SYNM: variants seen among roughly 807,000 people sequenced by gnomAD.
The protein encoded by SYNM is synemin, also known as desmuslin.
Under a neutral mutation model 104.0 loss-of-function variants are expected in SYNM, and 95 were observed. That is an observed-to-expected ratio of 0.91 (90% confidence interval 0.77 to 1.08). SYNM has a LOEUF of 1.08. SYNM is among the 50% of genes least tolerant of loss of function. The pLI is 0.00. For synonymous variants in SYNM, 918 were observed against 869.0 expected, an observed-to-expected ratio of 1.06 and a Z score of -0.99; for missense variants, 2,150 against 2,052.2, an observed-to-expected ratio of 1.05 and a Z score of -0.92.
chr15:99,122,388 C>T (rs529057370), intron 2 of SYNM, among the ~76,000 whole-genome samples: 15 of 152,230 alleles, frequency 9.9e-5, no homozygotes, highest in Non-Finnish European at 1.9e-4. Context: ...CAAAGGAAAA[C>T]GTTTCTTAGG....
Position 99,118,378 on chromosome 15 carries a change from A to G in SYNM, c.935+4663A>G, listed in dbSNP as rs569837102. ...CCCTTATTCTTTAACTAAAGTGCTCATTTGATCTCTGCAAACCTTGACCCA... is the reference window on the plus strand; with the variant it reads ...CCCTTATTCTTTAACTAAAGTGCTCGTTTGATCTCTGCAAACCTTGACCCA... On this transcript the variant is annotated intron_variant, in intron 2 of 3. Transcript: ENST00000336292. 1.1e-4 allele frequency among the ~76,000 whole-genome samples: 16 copies of G among 152,314 alleles called. No individual in the cohort carries two copies. In the South Asian group the frequency reaches 3.1e-3, roughly 30 times the overall value.
chr15:99,116,003 G>T (rs1555483899), intron 2 of SYNM, among the ~76,000 whole-genome samples: 1 of 152,264 alleles, frequency 6.6e-6, no homozygotes, highest in African/African-American at 2.4e-5. Context: ...GCTGCTAAGG[G>T]GTGAGGCCTT....
Position 99,129,693 on chromosome 15 carries a change from T to C in SYNM, c.1333T>C (p.Phe445Leu). ...LRNTEAQVKT[F>L]PDRPKAGDTR... Reference sequence around the variant, plus strand: ...AAATACTGAGGCTCAAGTGAAAACATTCCCTGACAGACCAAAAGCCGGAGA... The same window carrying C: ...AAATACTGAGGCTCAAGTGAAAACACTCCCTGACAGACCAAAAGCCGGAGA... The change falls in exon 4 of 4, where the codon TTC becomes CTC. Residue 445 changes from phenylalanine to leucine, a missense_variant. Phe to Leu is a conservative substitution (Grantham distance 22, BLOSUM62 0). Coordinates refer to ENST00000336292, the MANE Select transcript of SYNM (RefSeq NM_145728.3). 7 of 1,613,788 alleles carry C rather than the reference T, an allele frequency of 4.3e-6. No homozygotes were observed. The highest frequency in any genetic ancestry group is 5.9e-6 in the Non-Finnish European group (7 of 1,179,874).
At chr15:99,128,619 C>G (rs1477793122) in intron 3 of SYNM, among the ~76,000 whole-genome samples, 25 of 152,206 alleles carry the variant, frequency 1.6e-4, no homozygotes, top group Admixed American at 1.6e-3. Flanking sequence ...TGGCTGCGTT[C>G]TAACCACCAG....
Position 99,105,987 on chromosome 15 carries a change from G to C in SYNM, c.788G>C (p.Gly263Ala). The change falls in exon 1 of 4, where the codon GGG becomes GCG. Residue 263 changes from glycine (G) to alanine (A), a missense_variant. By Grantham distance (60) the Gly-to-Ala change is moderately conservative (BLOSUM62 0). Transcript: ENST00000336292. ...DALLRMREEY[G>A]IQAEERQRVI... is the part of the protein sequence containing the mutation. ...CTGCTGCGGATGCGCGAGGAGTACG[G>C]GATACAGGCCGAGGAGCGGCAGGTC... 2 of 1,491,394 alleles carry C rather than the reference G, an allele frequency of 1.3e-6. No individual in the cohort carries two copies. The highest frequency in any genetic ancestry group is 2.2e-5 in the Admixed American group (1 of 45,830). The allele number at this position is 1,491,394 out of a possible 1,614,324, so 92.4% of individuals were successfully genotyped here. A position where few individuals can be genotyped will look rare whatever the true frequency, so the allele number is the denominator to read the frequency against.
At position 99,131,864 on chromosome 15, in the gene SYNM, C is replaced by T. The variant is rs1555485988; in HGVS notation, c.3504C>T (p.Ser1168=). The change falls in exon 4 of 4, where the codon AGC becomes AGT. Residue 1168 remains serine, a synonymous_variant. Transcript: ENST00000336292. The surrounding 1 kb of genome is among the most constrained non-coding windows in gnomAD (Gnocchi z 4.3). ...AGGCAGCGAGCCCGACCGGAGCCAG[C>T]CGGTCTGTGAGGCATGTCACGCTGG... ...LSQAASPTGA[S]RSVRHVTLGP... is the part of the protein sequence containing the mutation. 1.9e-6 allele frequency: 3 copies of T among 1,613,902 alleles called. No individual in the cohort carries two copies. The highest frequency in any genetic ancestry group is 1.6e-4 in the Middle Eastern group (1 of 6,062).
Position 99,132,320 on chromosome 15 carries a change from C to T in SYNM, c.3960C>T (p.Thr1320=), listed in dbSNP as rs1555486097. 1 of 1,612,310 alleles carries T rather than the reference C, an allele frequency of 6.2e-7. No individual in the cohort carries two copies. Among genetic ancestry groups the T allele is most frequent in the East Asian group, 2.2e-5 (1 of 44,822 alleles). Residue 1320 remains threonine (T), a synonymous_variant, in exon 4 of 4, where the codon ACC becomes ACT. Coordinates refer to ENST00000336292, the MANE Select transcript of SYNM (RefSeq NM_145728.3). The part of the protein sequence containing the change: ...HISIGPQRHQ[T]TQQIVYHGLV... ...GCATTGGGCCTCAGAGGCATCAGACCACCCAGCAGATAGTTTACCATGGGC... is the reference window on the plus strand; with the variant it reads ...GCATTGGGCCTCAGAGGCATCAGACTACCCAGCAGATAGTTTACCATGGGC...
intron 2 of SYNM, among the ~76,000 whole-genome samples, chr15:99,116,692 G>C (rs560909777): frequency 1.4e-5 from 2 of 142,128 alleles, no homozygotes; most frequent in African/African-American, 5.0e-5. Flanking sequence ...TTTTGACATG[G>C]AGTCTCACTC....
chr15:99,114,147 A>G (rs1255031579), intron 2 of SYNM, among the ~76,000 whole-genome samples: 1 of 152,184 alleles, frequency 6.6e-6, no homozygotes, highest in Non-Finnish European at 1.5e-5. Context: ...AGCCTGGGTA[A>G]TTTACAAAGG....
chr15:99,125,949 T>G (rs1182207372), intron 2 of SYNM, among the ~76,000 whole-genome samples: 3 of 152,154 alleles, frequency 2.0e-5, no homozygotes, highest in African/African-American at 7.2e-5. Flanking sequence ...GCAGTAGACG[T>G]GAACAACCTA....
At chr15:99,127,361 G>A (rs1352136832) in intron 3 of SYNM, among the ~76,000 whole-genome samples, 2 of 152,186 alleles carry the variant, frequency 1.3e-5, no homozygotes, top group African/African-American at 4.8e-5. Flanking sequence ...TCCTATGGCT[G>A]CAGAACTGAC....
chr15:99,106,046 G>A (rs1555482777), intron 1 of SYNM, 37 bp downstream of exon 1: 1 of 1,404,018 alleles, frequency 7.1e-7, no homozygotes, highest in East Asian at 2.8e-5. Flanking sequence ...CCCCATACCC[G>A]CTGCCGTCGC....
chr15:99,139,470 T>C (rs576118275), downstream of SYNM: 28 of 1,602,448 alleles, frequency 1.7e-5, no homozygotes, highest in South Asian at 3.0e-4. Context: ...AGGTCTCCCT[T>C]GAATGAGAGA....
downstream of SYNM, chr15:99,140,243 G>A (rs1555489670): frequency 1.3e-5 from 2 of 152,632 alleles, no homozygotes; most frequent in Non-Finnish European, 2.9e-5. Context: ...TGGGACCGCT[G>A]GTTTTCCAAA....
chr15:99,126,177 T>G (rs1483389467), intron 2 of SYNM, among the ~76,000 whole-genome samples: 1 of 152,180 alleles, frequency 6.6e-6, no homozygotes, highest in Non-Finnish European at 1.5e-5. Flanking sequence ...GTCTCCAAGG[T>G]GACCCCCTGG....
chr15:99,138,101 C>T (rs2151819044), downstream of SYNM: 1 of 1,613,142 alleles, frequency 6.2e-7, no homozygotes. Context: ...TGATGCCTGC[C>T]TTGGCTTCGA....
Position 99,130,017 on chromosome 15 carries a change from GA to G in SYNM, c.1660del (p.Ser554AlafsTer4), listed in dbSNP as rs782406074. On this transcript the variant is annotated frameshift_variant, in exon 4 of 4. Coordinates refer to ENST00000336292, the MANE Select transcript of SYNM (RefSeq NM_145728.3). LOFTEE classifies it high-confidence loss of function. ...TKLDKEARQR[E>X]SQQMKEKAKE... ...GTTAGATAAGGAAGCGAGACAGAGA[GA>G]AAGCCAGCAGATGAAGGAGAAGGCT... The G allele has an allele frequency of 6.2e-7, 1 of 1,613,634 alleles. No individual in the cohort carries two copies. Among genetic ancestry groups the G allele is most frequent in the Non-Finnish European group, 8.5e-7 (1 of 1,179,768 alleles).
Position 99,105,416 on chromosome 15 carries a change from G to C in SYNM, c.217G>C (p.Glu73Gln), listed in dbSNP as rs539258983. ...GCGCAGCTTGCGGCAGCAGCTGGAC[G>C]AGCTGAGCTGGGCCACTGCGCTGGC... ...EARSLRQQLD[E>Q]LSWATALAEG... The change falls in exon 1 of 4, where the codon GAG (glutamate) becomes CAG (glutamine). Residue 73 changes from glutamate to glutamine, a missense_variant. Transcript: ENST00000336292. The C allele has an allele frequency of 4.8e-3, 7,173 of 1,506,676 alleles. 25 individuals carry two copies. The highest frequency in any genetic ancestry group is 5.7e-3 in the Non-Finnish European group (6,519 of 1,134,656). The allele number at this position is 1,506,676 out of a possible 1,614,324, so 93.3% of individuals were successfully genotyped here.
chr15:99,108,327 A>C (rs2067268858), intron 1 of SYNM, among the ~76,000 whole-genome samples: 1 of 152,050 alleles, frequency 6.6e-6, no homozygotes, highest in Non-Finnish European at 1.5e-5. Context: ...AAGTGTTACC[A>C]GTCACTACCT....
Sources: gnomAD v4.1 joint callset for allele counts (sites outside exome capture counted in the v4.1 genomes callset) on GRCh38, gnomAD v4.1.1 for gene constraint, Gnocchi (gnomAD v3.1) non-coding constraint, MANE v1.5 for transcripts, NCBI Gene and HGNC (gene_info 2026-07-23, HGNC 2026-07-21) for gene names.